The following MVB12B variants were observed in gnomAD, a reference collection of about 807,000 sequenced individuals.
The protein encoded by MVB12B is ESCRT-I complex subunit MVB12B.
A neutral mutation model predicts 41.6 loss-of-function variants in MVB12B; 16 were observed. That is an observed-to-expected ratio of 0.38 (90% confidence interval 0.26 to 0.58). The LOEUF is 0.58. Ranked by LOEUF, MVB12B falls within the 20% of genes least tolerant of loss-of-function variation. The pLI is 0.62. For missense variants in MVB12B, 274 were observed against 380.2 expected (o/e 0.72, Z 2.32); for synonymous variants, 133 against 139.7 (o/e 0.95, Z 0.34).
chr9:126,370,252 A>T (rs912175805), intron 2 of MVB12B, among the ~76,000 whole-genome samples: 5 of 152,042 alleles, frequency 3.3e-5, no homozygotes, highest in African/African-American at 1.2e-4. Context: ...AGTGGCGTGC[A>T]GGTTCAGGTT....
chr9:126,427,625 GA>G (rs964755947), intron 7 of MVB12B, among the ~76,000 whole-genome samples: 35 of 151,806 alleles, frequency 2.3e-4, no homozygotes, highest in Middle Eastern at 6.8e-3. Flanking sequence ...TATCTCTTTT[GA>G]AAAAAAATTG....
At chr9:126,359,950 T>G (rs942607513) in intron 2 of MVB12B, among the ~76,000 whole-genome samples, 3 of 152,156 alleles carry the variant, frequency 2.0e-5, no homozygotes, top group Non-Finnish European at 4.4e-5. Flanking sequence ...TTGTGTTCAC[T>G]TTTTAAAATT....
rs149020935 is a variant in MVB12B at position 126,390,877 on chromosome 9, C to T, written c.410-1189C>T. 4.9e-3 allele frequency among the ~76,000 whole-genome samples: 729 copies of T among 149,762 alleles called. 5 individuals are homozygous for T. The highest frequency in any genetic ancestry group is 7.2e-3 in the Non-Finnish European group (485 of 67,728). On this transcript the variant is annotated intron_variant, in intron 4 of 9. Coordinates refer to ENST00000361171, the MANE Select transcript of MVB12B (RefSeq NM_033446.3). ...TGGGGCAGGAGAATCACTTGAACCC[C>T]GGAGGTGGAGGTTGCAGTGAGCCAA...
intron 7 of MVB12B, among the ~76,000 whole-genome samples, chr9:126,453,568 G>T (rs937199443): frequency 6.6e-6 from 1 of 152,230 alleles, no homozygotes; most frequent in Non-Finnish European, 1.5e-5. Context: ...CCTGGAAGAG[G>T]TGTTCATTAC....
chr9:126,336,762 A>G (rs1049541848), intron 1 of MVB12B, among the ~76,000 whole-genome samples: 4 of 151,940 alleles, frequency 2.6e-5, no homozygotes, highest in South Asian at 2.1e-4. Context: ...ACGCACACAC[A>G]CACACACACA....
chr9:126,395,973 G>C lies in MVB12B; in HGVS notation c.662+276G>C. On this transcript the variant is annotated intron_variant, in intron 6 of 9. Coordinates refer to ENST00000361171, the MANE Select transcript of MVB12B (RefSeq NM_033446.3). This position sits in a 1 kb window ranked among gnomAD's most constrained non-coding sequence, Gnocchi z 4.9. ...TAAAATTGGCTCCCTATTCAAAAGA[G>C]CTGCTAGCTACACACAGACACGTGC... 1 of 1,249,006 alleles carries C rather than the reference G, an allele frequency of 8.0e-7. No individual in the cohort carries two copies. The highest frequency in any genetic ancestry group is 1.5e-5 in the African/African-American group (1 of 65,832). 77.4% of individuals were successfully genotyped at this position (1,249,006 alleles called of 1,614,324 possible).
At chr9:126,342,569 G>A (rs1402274495) in intron 2 of MVB12B, among the ~76,000 whole-genome samples, 2 of 152,218 alleles carry the variant, frequency 1.3e-5, no homozygotes, top group African/African-American at 4.8e-5. Context: ...AGCAGGGCAA[G>A]GGGCTTGAGC....
intron 2 of MVB12B, among the ~76,000 whole-genome samples, chr9:126,377,978 C>T (rs971146710): frequency 1.3e-5 from 2 of 152,224 alleles, no homozygotes; most frequent in Non-Finnish European, 2.9e-5. Context: ...TCCTGTGCCC[C>T]GGCAGTGATG....
intron 2 of MVB12B, among the ~76,000 whole-genome samples, chr9:126,379,093 C>T (rs1404481016): frequency 6.6e-6 from 1 of 152,148 alleles, no homozygotes; most frequent in Non-Finnish European, 1.5e-5. Flanking sequence ...AGCCTTGGAG[C>T]GTCCTGCAGA....
intron 7 of MVB12B, among the ~76,000 whole-genome samples, chr9:126,444,878 C>G (rs1181395856): frequency 6.6e-6 from 1 of 152,164 alleles, no homozygotes; most frequent in Non-Finnish European, 1.5e-5. Flanking sequence ...ATAATAACCT[C>G]TTACTGTGAT....
At chr9:126,465,003 CCTT>C (rs1564341119) in intron 7 of MVB12B, among the ~76,000 whole-genome samples, 5 of 152,190 alleles carry the variant, frequency 3.3e-5, no homozygotes, top group African/African-American at 4.8e-5. Context: ...ATCCAAGACA[CCTT>C]CTCTCTTCTT....
At chr9:126,431,795 G>C (rs1242283728) in intron 7 of MVB12B, among the ~76,000 whole-genome samples, 1 of 152,208 alleles carries the variant, frequency 6.6e-6, no homozygotes, top group African/African-American at 2.4e-5. Context: ...GCCGAGTGAG[G>C]CCAGCAGAGA....
chr9:126,394,229 C>A (rs1432450859), intron 5 of MVB12B, among the ~76,000 whole-genome samples: 1 of 152,238 alleles, frequency 6.6e-6, no homozygotes, highest in Non-Finnish European at 1.5e-5. Context: ...CACCCATTTA[C>A]ATACAAATGG....
rs1833630218 is a variant in MVB12B, at chr9:126,486,872, G to T, written c.873+2840G>T. ...AGGGGGCTCTCTAGGCTGGTGGCCAGTCAGTCTAGTTCCTTAACCTGGGTG... is the reference window on the plus strand; with the variant it reads ...AGGGGGCTCTCTAGGCTGGTGGCCATTCAGTCTAGTTCCTTAACCTGGGTG... On this transcript the variant is annotated intron_variant, in intron 9 of 9. Transcript: ENST00000361171. The surrounding 1 kb of genome is among the most constrained non-coding windows in gnomAD (Gnocchi z 4.7). Among the ~76,000 whole-genome samples, 1 of 152,188 alleles carries T rather than the reference G, an allele frequency of 6.6e-6. No homozygotes were observed. Among genetic ancestry groups the T allele is most frequent in the South Asian group, 2.1e-4 (1 of 4,824 alleles).
chr9:126,390,199 C>T (rs370714941), intron 4 of MVB12B, among the ~76,000 whole-genome samples: 4 of 152,316 alleles, frequency 2.6e-5, no homozygotes, highest in African/African-American at 7.2e-5. Flanking sequence ...TCAATAATGA[C>T]GGTAAGATCC....
At chr9:126,399,201 CAT>C (rs1297897015) in intron 6 of MVB12B, among the ~76,000 whole-genome samples, 11 of 152,352 alleles carry the variant, frequency 7.2e-5, no homozygotes, top group African/African-American at 2.2e-4. Context: ...TCCTCTCCCT[CAT>C]ACAGTGATGC....
chr9:126,489,489 G>A (rs966977775), intron 9 of MVB12B, among the ~76,000 whole-genome samples: 3 of 152,218 alleles, frequency 2.0e-5, no homozygotes, highest in Admixed American at 6.5e-5. Flanking sequence ...GCCCAAGGAC[G>A]GTCATGTTTT....
At chr9:126,414,111 A>G (rs1284351283) in intron 6 of MVB12B, among the ~76,000 whole-genome samples, 7 of 152,374 alleles carry the variant, frequency 4.6e-5, no homozygotes, top group African/African-American at 1.7e-4. Context: ...GCAGAATCCC[A>G]TCAAAGGAAA....
chr9:126,451,724 CT>C (rs2119161036), intron 7 of MVB12B, among the ~76,000 whole-genome samples: 1 of 152,250 alleles, frequency 6.6e-6, no homozygotes, highest in African/African-American at 2.4e-5. Context: ...CACAAGGGTC[CT>C]GGGTGGGTGC....
Sources: gnomAD v4.1 joint callset for allele counts (sites outside exome capture counted in the v4.1 genomes callset) on GRCh38, gnomAD v4.1.1 for gene constraint, Gnocchi (gnomAD v3.1) non-coding constraint, MANE v1.5 for transcripts, NCBI Gene and HGNC (gene_info 2026-07-23, HGNC 2026-07-21) for gene names.